The following UBXN2A variants were observed in gnomAD, a reference collection of about 807,000 sequenced individuals.
UBXN2A encodes the protein UBX domain protein 2A.
UBXN2A carries 28 observed loss-of-function variants against 28.4 expected under a neutral mutation model. The ratio of observed to expected loss-of-function variants is 0.99; its 90% confidence interval spans 0.73 to 1.35. UBXN2A has a LOEUF of 1.35. UBXN2A is among the 40% of genes most tolerant of loss of function. The pLI, the probability that UBXN2A is intolerant of heterozygous loss-of-function variation, is 0.00. For synonymous variants in UBXN2A, 97 were observed against 103.6 expected (o/e 0.94, Z 0.39); for missense variants, 253 against 297.9 (o/e 0.85, Z 1.11).
rs544115866 is a variant in UBXN2A at position 23,992,057 on chromosome 2, C to T, written c.584+7226C>T. The stretch of plus-strand genomic sequence containing the variant: ...CGCAATCTCAGCTCACTGCAACCTC[C>T]GCCTCCCTGGTTCATGCGATTCTCC... On this transcript the variant is annotated intron_variant, in intron 6 of 6. Transcript: ENST00000309033. Among the ~76,000 whole-genome samples, 273 of 152,220 alleles carry T rather than the reference C, an allele frequency of 1.8e-3. 1 individual carries two copies. Among genetic ancestry groups the T allele is most frequent in the African/African-American group, 3.3e-3 (136 of 41,554 alleles).
chr2:23,990,849 A>C (rs1418988309), intron 6 of UBXN2A, among the ~76,000 whole-genome samples: 1 of 152,170 alleles, frequency 6.6e-6, no homozygotes, highest in East Asian at 1.9e-4. Context: ...TGTAGAGATA[A>C]AGCTATAGAA....
chr2:23,967,158 TATAAAC>T (rs1434944919), intron 2 of UBXN2A, among the ~76,000 whole-genome samples: 3 of 152,134 alleles, frequency 2.0e-5, no homozygotes, highest in African/African-American at 7.2e-5. Context: ...CTGAACCTCT[TATAAAC>T]ATAGACCGTT....
At chr2:23,973,429 C>T (rs1349863223) in intron 3 of UBXN2A, among the ~76,000 whole-genome samples, 1 of 151,502 alleles carries the variant, frequency 6.6e-6, no homozygotes, top group African/African-American at 2.4e-5. Flanking sequence ...AGCTCCGCCT[C>T]CCAGGTTCAT....
rs1553312193 is a variant in UBXN2A at position 23,999,874 on chromosome 2, A to T, written c.*7A>T. ...AGAACTTTCAGAGCACTGATTTTTGATAGACTAAGTGGAAAATTTGCAGAG... is the reference window on the plus strand; with the variant it reads ...AGAACTTTCAGAGCACTGATTTTTGTTAGACTAAGTGGAAAATTTGCAGAG... On this transcript the variant is annotated 3_prime_UTR_variant, in exon 7 of 7. Transcript: ENST00000309033. 2 of 1,606,714 alleles carry T rather than the reference A, an allele frequency of 1.2e-6. No homozygotes were observed. The highest frequency in any genetic ancestry group is 1.7e-6 in the Non-Finnish European group (2 of 1,176,650).
chr2:23,991,528 G>A (rs1330417640), intron 6 of UBXN2A, among the ~76,000 whole-genome samples: 1 of 151,994 alleles, frequency 6.6e-6, no homozygotes, highest in Non-Finnish European at 1.5e-5. Flanking sequence ...GAGTGCAGTG[G>A]TGTGATCTCG....
At chr2:23,929,869 A>T (rs1705318265) in intron 1 of UBXN2A, among the ~76,000 whole-genome samples, 1 of 152,088 alleles carries the variant, frequency 6.6e-6, no homozygotes, top group African/African-American at 2.4e-5. Context: ...AACCTATACC[A>T]TTTACTATCA....
chr2:23,983,025 A>G lies in UBXN2A; in HGVS notation c.417A>G (p.Arg139=). 6.3e-7 allele frequency: 1 copy of G among 1,596,776 alleles called. No homozygotes were observed. The highest frequency in any genetic ancestry group is 8.5e-7 in the Non-Finnish European group (1 of 1,172,596). Residue 139 remains arginine, a synonymous_variant, in exon 5 of 7, where the codon AGA becomes AGG. Coordinates refer to ENST00000309033, the MANE Select transcript of UBXN2A (RefSeq NM_181713.4). ...VFQPFSGQGH[R]LGSATPKIVS... ...AGCCCTTTTCAGGACAGGGTCACAG[A>G]CTAGGAAGGTAAATATGCCTATTGT... is the stretch of plus-strand genomic sequence containing the variant.
chr2:23,934,628 T>C (rs1705471399), intron 1 of UBXN2A, among the ~76,000 whole-genome samples: 1 of 152,240 alleles, frequency 6.6e-6, no homozygotes, highest in Non-Finnish European at 1.5e-5. Context: ...AAATAGCTAC[T>C]GTGAAAAGTA....
intron 1 of UBXN2A, among the ~76,000 whole-genome samples, chr2:23,953,200 A>C (rs1489152263): frequency 6.6e-6 from 1 of 152,160 alleles, no homozygotes; most frequent in African/African-American, 2.4e-5. Flanking sequence ...AAAACAAATG[A>C]AATTGCGGTA....
At chr2:23,968,295 C>A (rs998533401) in intron 2 of UBXN2A, among the ~76,000 whole-genome samples, 1 of 152,082 alleles carries the variant, frequency 6.6e-6, no homozygotes, top group Non-Finnish European at 1.5e-5. Flanking sequence ...TGAGTTGGCA[C>A]ATGTAAGGTA....
intron 2 of UBXN2A, among the ~76,000 whole-genome samples, chr2:23,967,973 C>A (rs566280566): frequency 7.3e-5 from 11 of 151,524 alleles, no homozygotes; most frequent in Non-Finnish European, 1.6e-4. Flanking sequence ...GTTGCCCAGG[C>A]TAAAATGCAG....
chr2:23,969,338 A>G (rs528086181), intron 2 of UBXN2A, among the ~76,000 whole-genome samples: 58 of 152,204 alleles, frequency 3.8e-4, no homozygotes, highest in African/African-American at 1.3e-3. Flanking sequence ...GGAGTTTGCG[A>G]TAAGCCTGGA....
At chr2:23,944,076 G>A (rs1705911038) in intron 1 of UBXN2A, 1 of 641,482 alleles carries the variant, frequency 1.6e-6, no homozygotes, top group Non-Finnish European at 3.0e-6. Context: ...CTCTGGTATT[G>A]CTTTGAGCAC....
chr2:23,940,659 C>G lies in UBXN2A; in HGVS notation c.-15+11C>G, dbSNP rs1017733320. On this transcript the variant is annotated intron_variant, in intron 1 of 6. Coordinates refer to ENST00000309033, the MANE Select transcript of UBXN2A (RefSeq NM_181713.4). ...AGGCCGTGCCCGGAGGTGAGCGTCC[C>G]GGGGCCGCGCCGCGTCCGGCGGGGT... 6 of 151,210 alleles carry G rather than the reference C, an allele frequency of 4.0e-5. No homozygotes were observed. Among genetic ancestry groups the G allele is most frequent in the African/African-American group, 9.7e-5 (4 of 41,322 alleles). The allele number at this position is 151,210 out of a possible 1,614,324, so 9.4% of individuals were successfully genotyped here.
intron 2 of UBXN2A, among the ~76,000 whole-genome samples, chr2:23,967,816 A>G (rs887535452): frequency 3.9e-5 from 6 of 152,212 alleles, no homozygotes; most frequent in African/African-American, 1.4e-4. Context: ...TTGTGATGAT[A>G]TGGAGTATTT....
At chr2:23,958,020 G>A (rs1459637728) in intron 1 of UBXN2A, among the ~76,000 whole-genome samples, 1 of 152,094 alleles carries the variant, frequency 6.6e-6, no homozygotes, top group Non-Finnish European at 1.5e-5. Context: ...CCAAAGTGCT[G>A]GAATTACAGG....
chr2:23,945,530 A>G (rs1231310481), intron 1 of UBXN2A, among the ~76,000 whole-genome samples: 3 of 152,216 alleles, frequency 2.0e-5, no homozygotes, highest in Non-Finnish European at 2.9e-5. Flanking sequence ...AGATCTAAGT[A>G]AAAGGAACCC....
chr2:23,939,452 C>T (rs1284125015), upstream of UBXN2A: 2 of 152,382 alleles, frequency 1.3e-5, no homozygotes, highest in African/African-American at 4.8e-5. Flanking sequence ...GCTAGAAAGA[C>T]CCGGGTGTGG....
intron 1 of UBXN2A, among the ~76,000 whole-genome samples, chr2:23,953,001 G>T (rs1458045181): frequency 2.7e-5 from 4 of 149,928 alleles, no homozygotes; most frequent in African/African-American, 7.4e-5. Context: ...TCTTTATTGT[G>T]GTCATAATAC....
Sources: allele counts gnomAD v4.1 joint callset (sites outside exome capture counted in the v4.1 genomes callset), GRCh38; gene constraint gnomAD v4.1.1; transcripts MANE v1.5; gene names NCBI Gene and HGNC (gene_info 2026-07-23, HGNC 2026-07-21).